Variants in CDC16 observed in about 807,000 individuals in gnomAD.
CDC16 encodes the protein cell division cycle 16.
A neutral mutation model predicts 87.0 loss-of-function variants in CDC16; 34 were observed. The ratio of observed to expected loss-of-function variants is 0.39; its 90% CI spans 0.30 to 0.52. CDC16 has a LOEUF of 0.52. CDC16 is among the 20% of genes least tolerant of loss of function. The pLI is 0.74. For synonymous variants in CDC16, 263 were observed against 260.6 expected (o/e 1.01, Z -0.09); for missense variants, 653 against 751.9 (o/e 0.87, Z 1.54).
chr13:114,264,719 C>G (rs1023079416), intron 16 of CDC16, among the ~76,000 whole-genome samples: 2 of 152,056 alleles, frequency 1.3e-5, no homozygotes, highest in Non-Finnish European at 2.9e-5. Flanking sequence ...GTTTTCCTGC[C>G]TCAGCCTCCA....
Position 114,236,814 on chromosome 13 carries a change from T to C in CDC16, c.119T>C (p.Ile40Thr). Reference sequence around the variant, plus strand: ...TTCCCTCCAGAAGAACCCCAGGACATCTATTGGTTGGCTCAGTGTCTTTAC... The same window carrying C: ...TTCCCTCCAGAAGAACCCCAGGACACCTATTGGTTGGCTCAGTGTCTTTAC... ...ASLSREEPQD[I>T]YWLAQCLYLT... Residue 40 changes from isoleucine (I) to threonine (T), a missense_variant, in exon 3 of 18, where the codon ATC becomes ACC. Coordinates refer to ENST00000356221, the MANE Select transcript of CDC16 (RefSeq NM_001078645.3). 5 of 1,613,546 alleles carry C rather than the reference T, an allele frequency of 3.1e-6. No individual in the cohort carries two copies. Among genetic ancestry groups the C allele is most frequent in the African/African-American group, 1.3e-5 (1 of 74,980 alleles).
At chr13:114,252,419 G>A (rs1279340380) in intron 12 of CDC16, among the ~76,000 whole-genome samples, 3 of 152,178 alleles carry the variant, frequency 2.0e-5, no homozygotes, top group Non-Finnish European at 2.9e-5. Flanking sequence ...AATTTGGGGG[G>A]CAGAGGGGAC....
rs1235168295 is a variant in CDC16 at position 114,245,273 on chromosome 13, T to C, written c.847+304T>C. ...GTGTCAGTTCTGCCTCCCCCCCCCT[T>C]TTTTTTTTTTGTAAATTCCACTGGA... is the stretch of plus-strand genomic sequence containing the variant. On this transcript the variant is annotated intron_variant, in intron 9 of 17. Transcript: ENST00000356221. 1.8e-3 allele frequency among the ~76,000 whole-genome samples: 259 copies of C among 143,228 alleles called. 1 individual carries two copies. Among genetic ancestry groups the C allele is most frequent in the African/African-American group, 6.2e-3 (238 of 38,472 alleles). The allele number at this position is 143,228 out of a possible 152,430, so 94.0% of individuals were successfully genotyped here.
rs1179105875 is a variant in CDC16, at chr13:114,246,009, A to G, written c.857A>G (p.Tyr286Cys). Reference protein sequence around the residue: ...VELNKANELFYLSHKLVDLYP... With the variant: ...VELNKANELFCLSHKLVDLYP... The stretch of plus-strand genomic sequence containing the variant: ...GCTTTTTCCTGAACAGAACTTTTCT[A>G]TCTTTCTCATAAACTGGTGGATTTA... Residue 286 changes from tyrosine (Y) to cysteine (C), a missense_variant, in exon 10 of 18, where the codon TAT becomes TGT. Physicochemically the swap from Tyr to Cys is radical, Grantham distance 194. Coordinates refer to ENST00000356221, the MANE Select transcript of CDC16 (RefSeq NM_001078645.3). The G allele has an allele frequency of 2.7e-6, 4 of 1,486,976 alleles. No individual in the cohort carries two copies. The highest frequency in any genetic ancestry group is 3.7e-6 in the Non-Finnish European group (4 of 1,078,656). 92.1% of individuals were successfully genotyped at this position (1,486,976 alleles called of 1,614,324 possible).
chr13:114,236,606 A>C (rs751584124), intron 1 of CDC16, 39 bp from the exon 2 acceptor site: 27 of 1,586,622 alleles, frequency 1.7e-5, no homozygotes, highest in Non-Finnish European at 2.3e-5. Flanking sequence ...TATTAAAATA[A>C]CAGGGCAGTT....
At chr13:114,247,332 C>CTT (rs1164257316) in intron 11 of CDC16, 95 of 199,782 alleles carry the variant, frequency 4.8e-4, no homozygotes, top group African/African-American at 3.3e-3. Flanking sequence ...CTGATTTAAA[C>CTT]ATTTTTTTTT....
At chr13:114,253,156 C>T (rs1285305734) in intron 12 of CDC16, among the ~76,000 whole-genome samples, 1 of 152,168 alleles carries the variant, frequency 6.6e-6, no homozygotes, top group Non-Finnish European at 1.5e-5. Flanking sequence ...GTTTACTTAT[C>T]TGTCAGAGCA....
chr13:114,257,030 A>T (rs2082540932), intron 12 of CDC16, 48 bp from the exon 13 acceptor site: 1 of 1,295,670 alleles, frequency 7.7e-7, no homozygotes, highest in Admixed American at 2.1e-5. Flanking sequence ...AATTTCTGCT[A>T]AATCACAGTT....
intron 12 of CDC16, among the ~76,000 whole-genome samples, chr13:114,254,380 C>A (rs1488591711): frequency 6.6e-6 from 1 of 151,814 alleles, no homozygotes; most frequent in African/African-American, 2.4e-5. Flanking sequence ...TATACTATAT[C>A]TTTTGAGTTA....
At position 114,264,511 on chromosome 13, in the gene CDC16, G is replaced by T. The variant is rs144331610; in HGVS notation, c.1513-639G>T. On this transcript the variant is annotated intron_variant, in intron 16 of 17. Coordinates refer to ENST00000356221, the MANE Select transcript of CDC16 (RefSeq NM_001078645.3). The stretch of plus-strand genomic sequence containing the variant: ...GGAGGCGGAGGTTGCAGTGAGCTGA[G>T]ATCGCGCCACTGCATTCCAGCCTGG... Among the ~76,000 whole-genome samples the T allele has an allele frequency of 1.5e-3, 223 of 151,354 alleles. 10 individuals are homozygous for T. The East Asian group carries it at 0.04, about 27-fold the overall frequency.
chr13:114,237,023 C>A, intron 3 of CDC16, 127 bp downstream of exon 3: 1 of 538,980 alleles, frequency 1.9e-6, no homozygotes, highest in Non-Finnish European at 3.1e-6. Flanking sequence ...ATCATGAGGT[C>A]AGGAGCTCAA....
At chr13:114,254,875 A>T (rs759019264) in intron 12 of CDC16, among the ~76,000 whole-genome samples, 2 of 152,214 alleles carry the variant, frequency 1.3e-5, no homozygotes, top group Non-Finnish European at 2.9e-5. Context: ...ATGGACCTTC[A>T]GTCTGATAAG....
chr13:114,269,054 A>G (rs2083433261), intron 17 of CDC16, among the ~76,000 whole-genome samples: 1 of 151,734 alleles, frequency 6.6e-6, no homozygotes, highest in Non-Finnish European at 1.5e-5. Flanking sequence ...CTCAACCAAC[A>G]ACGTGTTATT....
intron 11 of CDC16, among the ~76,000 whole-genome samples, chr13:114,248,929 C>T (rs2082010589): frequency 6.6e-6 from 1 of 151,960 alleles, no homozygotes. Flanking sequence ...TGGTCCCCAA[C>T]ATTTTTGGCA....
intron 7 of CDC16, 64 bp from the exon 8 acceptor site, chr13:114,243,792 T>C: frequency 7.1e-7 from 1 of 1,400,554 alleles, no homozygotes; most frequent in Non-Finnish European, 9.9e-7. Flanking sequence ...CAAACACAAA[T>C]TGAATCCACA....
At chr13:114,236,047 T>C (rs551884874) in intron 1 of CDC16, among the ~76,000 whole-genome samples, 4 of 152,352 alleles carry the variant, frequency 2.6e-5, no homozygotes, top group Non-Finnish European at 5.9e-5. Flanking sequence ...GACTGAGGAC[T>C]GAGGAGCAGA....
At chr13:114,248,416 C>T (rs1189671080) in intron 11 of CDC16, among the ~76,000 whole-genome samples, 2 of 152,192 alleles carry the variant, frequency 1.3e-5, no homozygotes, top group Non-Finnish European at 2.9e-5. Flanking sequence ...CGTGGTGGCT[C>T]ACGCCTGTAA....
At position 114,239,005 on chromosome 13, in the gene CDC16, C is replaced by T. The variant is rs2138863090; in HGVS notation, c.217C>T (p.Arg73Cys). Residue 73 changes from arginine (R) to cysteine (C), a missense_variant, in exon 4 of 18, where the codon CGT becomes TGT. By Grantham distance (180) the Arg-to-Cys change is radical. Transcript: ENST00000356221. ...TCTTTCCTAGTTGTATGAAGCATGTCGTTACCTTGCAGCTAGGTGCCATGT... is the reference window on the plus strand; with the variant it reads ...TCTTTCCTAGTTGTATGAAGCATGTTGTTACCTTGCAGCTAGGTGCCATGT... ...RKLDKLYEAC[R>C]YLAARCHYAA... The T allele has an allele frequency of 6.2e-7, 1 of 1,611,700 alleles. No homozygotes were observed. The highest frequency in any genetic ancestry group is 8.5e-7 in the Non-Finnish European group (1 of 1,178,658).
chr13:114,258,139 A>C (rs966067956), intron 13 of CDC16, among the ~76,000 whole-genome samples: 2 of 152,230 alleles, frequency 1.3e-5, no homozygotes, highest in African/African-American at 4.8e-5. Context: ...TGTGTTCTAA[A>C]AAATGGGTTA....
Sources: gnomAD v4.1 joint callset for allele counts (sites outside exome capture counted in the v4.1 genomes callset) on GRCh38, gnomAD v4.1.1 for gene constraint, MANE v1.5 for transcripts, NCBI Gene and HGNC (gene_info 2026-07-23, HGNC 2026-07-21) for gene names.